PTBP2: variants seen among roughly 807,000 people sequenced by gnomAD.
PTBP2 encodes polypyrimidine tract-binding protein 2.
PTBP2 carries 13 observed loss-of-function variants against 61.4 expected under a neutral mutation model. The ratio of observed to expected loss-of-function variants is 0.21; its 90% CI spans 0.14 to 0.34. PTBP2 has a LOEUF of 0.34. Ranked by LOEUF, PTBP2 falls within the 10% of genes least tolerant of loss-of-function variation. The pLI is 1.00. For synonymous variants in PTBP2, 215 were observed against 218.5 expected (o/e 0.98, Z 0.14); for missense variants, 405 against 642.6 (o/e 0.63, Z 4.00).
chr1:96,781,029 A>G (rs1658601309), intron 7 of PTBP2, among the ~76,000 whole-genome samples: 1 of 151,968 alleles, frequency 6.6e-6, no homozygotes, highest in Non-Finnish European at 1.5e-5. Context: ...GTTATTCAAG[A>G]TGCTGGTCTC....
intron 3 of PTBP2, among the ~76,000 whole-genome samples, chr1:96,761,684 T>C (rs1416430413): frequency 6.6e-6 from 1 of 152,058 alleles, no homozygotes; most frequent in Non-Finnish European, 1.5e-5. Context: ...AAAAGGAGAC[T>C]CGTTTTTGGT....
chr1:96,806,479 T>C (rs2101207351), intron 10 of PTBP2, 27 bp downstream of exon 10: 1 of 1,593,016 alleles, frequency 6.3e-7, no homozygotes, highest in Non-Finnish European at 8.6e-7. Context: ...ACTATACTTT[T>C]ATTATTGATT....
At chr1:96,725,502 T>C (rs1433785202) in intron 2 of PTBP2, among the ~76,000 whole-genome samples, 1 of 151,914 alleles carries the variant, frequency 6.6e-6, no homozygotes, top group African/African-American at 2.4e-5. Flanking sequence ...GGTTTCACCG[T>C]GTTAGCCAGG....
intron 8 of PTBP2, among the ~76,000 whole-genome samples, chr1:96,803,392 C>T (rs1452386646): frequency 6.8e-6 from 1 of 148,034 alleles, no homozygotes; most frequent in Non-Finnish European, 1.5e-5. Context: ...AATGTATAGC[C>T]ATAAAAAAAA....
chr1:96,797,502 A>G (rs571457180), intron 8 of PTBP2, among the ~76,000 whole-genome samples: 2 of 152,222 alleles, frequency 1.3e-5, no homozygotes, highest in East Asian at 3.9e-4. Context: ...TATGAAAAGT[A>G]AAATTTTTAT....
intron 2 of PTBP2, among the ~76,000 whole-genome samples, chr1:96,747,189 A>G (rs2100889747): frequency 6.6e-6 from 1 of 152,088 alleles, no homozygotes; most frequent in East Asian, 1.9e-4. Context: ...TTAGATAAAA[A>G]TAATTTATAT....
chr1:96,774,574 G>A (rs1272094462), intron 5 of PTBP2, among the ~76,000 whole-genome samples: 2 of 152,154 alleles, frequency 1.3e-5, no homozygotes, highest in Non-Finnish European at 2.9e-5. Context: ...GAAATCACCA[G>A]GTCCTATTAG....
downstream of PTBP2, chr1:96,815,584 A>G (rs1662450973): frequency 6.6e-6 from 1 of 152,176 alleles, no homozygotes; most frequent in African/African-American, 2.4e-5. Context: ...GGAGTTACAC[A>G]TGTTTCTTAG....
intron 5 of PTBP2, among the ~76,000 whole-genome samples, chr1:96,775,102 C>G (rs1475090681): frequency 1.3e-5 from 2 of 151,964 alleles, no homozygotes; most frequent in South Asian, 2.1e-4. Flanking sequence ...CCCTGATAAG[C>G]AAAGAGTAGA....
intron 1 of PTBP2, 117 bp from the exon 2 acceptor site, chr1:96,723,445 CTG>C (rs1344677748): frequency 7.0e-6 from 5 of 718,872 alleles, no homozygotes; most frequent in African/African-American, 3.5e-5. Flanking sequence ...TTATCCCCAT[CTG>C]TGTGTGAGTG....
chr1:96,745,914 TA>T (rs1381001426), intron 2 of PTBP2, among the ~76,000 whole-genome samples: 1 of 151,674 alleles, frequency 6.6e-6, no homozygotes, highest in Non-Finnish European at 1.5e-5. Flanking sequence ...AAAAATACCA[TA>T]ATTAGCGGGG....
At chr1:96,739,803 T>A (rs984482268) in intron 2 of PTBP2, among the ~76,000 whole-genome samples, 37 of 151,194 alleles carry the variant, frequency 2.4e-4, no homozygotes, top group Non-Finnish European at 4.9e-4. Context: ...ATATATATAT[T>A]TTTTAGTAGA....
chr1:96,724,496 C>T (rs1432283762), intron 2 of PTBP2, among the ~76,000 whole-genome samples: 1 of 151,966 alleles, frequency 6.6e-6, no homozygotes, highest in African/African-American at 2.4e-5. Flanking sequence ...ATCTGCCTGC[C>T]TCTTATGATC....
intron 2 of PTBP2, among the ~76,000 whole-genome samples, chr1:96,749,406 T>C (rs950144994): frequency 5.3e-5 from 8 of 152,186 alleles, no homozygotes; most frequent in African/African-American, 1.9e-4. Flanking sequence ...CTAGGAGAGT[T>C]AAAGTGTTTT....
At chr1:96,760,440 CTTTTT>C (rs989047792) in intron 3 of PTBP2, among the ~76,000 whole-genome samples, 9 of 83,076 alleles carry the variant, frequency 1.1e-4, no homozygotes, top group South Asian at 8.8e-4. Flanking sequence ...AAATAGTTTG[CTTTTT>C]TTTTTTTTTT....
chr1:96,723,638 A>G (rs1243381068), intron 2 of PTBP2, 44 bp downstream of exon 2: 2 of 1,509,852 alleles, frequency 1.3e-6, no homozygotes, highest in Non-Finnish European at 1.8e-6. Flanking sequence ...TGGATCTATT[A>G]TCATAATTAC....
exon 14 of PTBP2, chr1:96,820,770 A>G (rs1662661237): frequency 6.6e-6 from 1 of 152,150 alleles, no homozygotes; most frequent in Non-Finnish European, 1.5e-5. Flanking sequence ...TAAGAAATTA[A>G]TTCTATCCTT....
At chr1:96,723,679 T>TATA in intron 2 of PTBP2, 85 bp downstream of exon 2, 1 of 1,248,574 alleles carries the variant, frequency 8.0e-7, no homozygotes, top group Admixed American at 1.9e-5. Context: ...TTTTGAAAAC[T>TATA]ATAACGTAGC....
rs1662222895 is a variant in PTBP2 at position 96,813,013 on chromosome 1, C to T, written c.1389-16C>T. The T allele has an allele frequency of 6.2e-7, 1 of 1,605,586 alleles. No individual in the cohort carries two copies. The highest frequency in any genetic ancestry group is 8.5e-7 in the Non-Finnish European group (1 of 1,172,756). Reference sequence around the variant, plus strand: ...ATTCTTAATCTTCACTTTTTCTTCCCATTCAATTTTCCTAGTCCATCAGTA... The same window carrying T: ...ATTCTTAATCTTCACTTTTTCTTCCTATTCAATTTTCCTAGTCCATCAGTA... On this transcript the variant is annotated splice_polypyrimidine_tract_variant and intron_variant, in intron 12 of 13. Transcript: ENST00000674951.
Sources: gnomAD v4.1 joint callset for allele counts (sites outside exome capture counted in the v4.1 genomes callset) on GRCh38, gnomAD v4.1.1 for gene constraint, MANE v1.5 for transcripts, NCBI Gene and HGNC (gene_info 2026-07-23, HGNC 2026-07-21) for gene names.